Variants in POLR2M observed in about 807,000 individuals in gnomAD.
POLR2M encodes the protein protein GRINL1A.
Under a neutral mutation model 34.6 loss-of-function variants are expected in POLR2M, and 30 were observed. That is an observed-to-expected ratio of 0.87 (90% confidence interval 0.65 to 1.18). The LOEUF is 1.18. POLR2M is among the 50% of genes most tolerant of loss of function. The pLI, the probability that POLR2M is intolerant of heterozygous loss-of-function variation, is 0.00. For synonymous variants in POLR2M, 150 were observed against 166.7 expected, an observed-to-expected ratio of 0.90 and a Z score of 0.77; for missense variants, 432 against 448.7, an observed-to-expected ratio of 0.96 and a Z score of 0.34.
chr15:57,709,367 C>T lies in POLR2M; in HGVS notation c.758+9C>T. The T allele has an allele frequency of 6.2e-7, 1 of 1,602,822 alleles. No individual in the cohort carries two copies. Among genetic ancestry groups the T allele is most frequent in the Non-Finnish European group, 8.5e-7 (1 of 1,174,254 alleles). On this transcript the variant is annotated intron_variant, in intron 2 of 3. Coordinates refer to ENST00000299638, the MANE Select transcript of POLR2M (RefSeq NM_015532.5). ...AAATTTAAAACCAATGTGTAAGTAC[C>T]CTCGGAAACAGGCCTGTAACAGGAA...
Position 57,716,931 on chromosome 15 carries a change from C to A in POLR2M, c.*2252C>A, listed in dbSNP as rs1259760893. On this transcript the variant is annotated 3_prime_UTR_variant, in exon 4 of 4. Coordinates refer to ENST00000299638, the MANE Select transcript of POLR2M (RefSeq NM_015532.5). ...CTAGTATTTTCTTATTTCACTTTTA[C>A]ACCTATCTTTAAAAGGAATTTAAAT... 6.6e-6 allele frequency: 1 copy of A among 152,108 alleles called. No homozygotes were observed. The highest frequency in any genetic ancestry group is 1.5e-5 in the Non-Finnish European group (1 of 68,016). 9.4% of individuals were successfully genotyped at this position (152,108 alleles called of 1,614,324 possible).
chr15:57,709,006 A>T lies in POLR2M; in HGVS notation c.406A>T (p.Thr136Ser). The change falls in exon 2 of 4, where the codon ACT becomes TCT. Residue 136 changes from threonine to serine, a missense_variant. Thr to Ser is a moderately conservative substitution (Grantham distance 58). Coordinates refer to ENST00000299638, the MANE Select transcript of POLR2M (RefSeq NM_015532.5). ...ACAAAACCAGGGACTTGGACGTCCT[A>T]CTCTTGAAGGTGATGAAGAGACTTC... Reference protein sequence around the residue: ...TSQNQGLGRPTLEGDEETSEV... With the variant: ...TSQNQGLGRPSLEGDEETSEV... 1 of 1,613,880 alleles carries T rather than the reference A, an allele frequency of 6.2e-7. No homozygotes were observed. Among genetic ancestry groups the T allele is most frequent in the Non-Finnish European group, 8.5e-7 (1 of 1,179,866 alleles).
At chr15:57,711,080 A>T (rs2040692159) in intron 2 of POLR2M, among the ~76,000 whole-genome samples, 1 of 152,202 alleles carries the variant, frequency 6.6e-6, no homozygotes, top group Non-Finnish European at 1.5e-5. Context: ...TGATGTACAA[A>T]GTGGAACTGC....
intron 2 of POLR2M, 28 bp from the exon 3 acceptor site, chr15:57,711,956 T>C: frequency 1.9e-6 from 3 of 1,612,504 alleles, no homozygotes; most frequent in Non-Finnish European, 2.5e-6. Flanking sequence ...ATAATCTGAT[T>C]GTATAACACA....
intron 2 of POLR2M, among the ~76,000 whole-genome samples, chr15:57,710,850 T>G (rs942921707): frequency 5.3e-5 from 8 of 152,104 alleles, no homozygotes; most frequent in Non-Finnish European, 8.8e-5. Flanking sequence ...GAGGGTTCCG[T>G]GTGAGAGGTG....
chr15:57,709,411 C>T, intron 2 of POLR2M, 53 bp downstream of exon 2: 1 of 1,546,490 alleles, frequency 6.5e-7, no homozygotes, highest in Non-Finnish European at 8.7e-7. Flanking sequence ...TTGTTAAACT[C>T]AAAAATTTAC....
rs771019008 is a variant in POLR2M at position 57,707,149 on chromosome 15, T to C, written c.113+194T>C. 10 of 1,527,180 alleles carry C rather than the reference T, an allele frequency of 6.5e-6. No individual in the cohort carries two copies. The East Asian group carries it at 2.0e-4, about 30-fold the overall frequency. The allele number at this position is 1,527,180 out of a possible 1,614,324, so 94.6% of individuals were successfully genotyped here. Reference sequence around the variant, plus strand: ...GTGCCTCTTCCTGGCCAGGCACGTATGCCTGCGAGGATAGCTCGGATTGAA... The same window carrying C: ...GTGCCTCTTCCTGGCCAGGCACGTACGCCTGCGAGGATAGCTCGGATTGAA... On this transcript the variant is annotated intron_variant, in intron 1 of 3. Coordinates refer to ENST00000299638, the MANE Select transcript of POLR2M (RefSeq NM_015532.5).
Position 57,714,632 on chromosome 15 carries a change from C to G in POLR2M, c.1060C>G (p.Arg354Gly), listed in dbSNP as rs773384822. 1 of 1,612,190 alleles carries G rather than the reference C, an allele frequency of 6.2e-7. No homozygotes were observed. Among genetic ancestry groups the G allele is most frequent in the East Asian group, 2.2e-5 (1 of 44,874 alleles). Residue 354 changes from arginine (R) to glycine (G), a missense_variant, in exon 4 of 4, where the codon CGA (arginine) becomes GGA (glycine). Arg to Gly is a moderately radical substitution (Grantham distance 125). Coordinates refer to ENST00000299638, the MANE Select transcript of POLR2M (RefSeq NM_015532.5). ...NPEGESSGRY[R>G]EVRDEDDDWS... is the part of the protein sequence containing the mutation. ...AGAAGGGGAGTCTTCAGGGAGATACCGAGAAGTAAGGGATGAAGATGACGA... is the reference window on the plus strand; with the variant it reads ...AGAAGGGGAGTCTTCAGGGAGATACGGAGAAGTAAGGGATGAAGATGACGA...
At position 57,706,868 on chromosome 15, in the gene POLR2M, A is replaced by G; in HGVS notation, c.26A>G (p.Glu9Gly). The G allele has an allele frequency of 2.5e-6, 4 of 1,584,694 alleles. No individual in the cohort carries two copies. Among genetic ancestry groups the G allele is most frequent in the Non-Finnish European group, 3.4e-6 (4 of 1,164,964 alleles). MCSLPRGFEPQAPEDLAQR... is the reference protein window; with the variant it reads MCSLPRGFGPQAPEDLAQR... ...ATGTGCTCGCTGCCCCGCGGCTTCG[A>G]GCCCCAAGCTCCCGAGGACTTGGCG... Residue 9 changes from glutamate to glycine, a missense_variant, in exon 1 of 4, where the codon GAG (glutamate) becomes GGG (glycine). Physicochemically the swap from Glu to Gly is moderately conservative, Grantham distance 98. Coordinates refer to ENST00000299638, the MANE Select transcript of POLR2M (RefSeq NM_015532.5).
At chr15:57,709,831 A>G (rs2040639948) in intron 2 of POLR2M, among the ~76,000 whole-genome samples, 1 of 152,064 alleles carries the variant, frequency 6.6e-6, no homozygotes, top group Non-Finnish European at 1.5e-5. Context: ...TACAGCTTTG[A>G]TTAGTGTACT....
At chr15:57,707,957 ATAGT>A (rs537196225) in intron 1 of POLR2M, among the ~76,000 whole-genome samples, 12 of 152,320 alleles carry the variant, frequency 7.9e-5, no homozygotes, top group African/African-American at 2.9e-4. Flanking sequence ...CATTTATTGT[ATAGT>A]TAAAGAAAAG....
intron 2 of POLR2M, 62 bp from the exon 3 acceptor site, chr15:57,711,922 G>A: frequency 6.3e-7 from 1 of 1,583,474 alleles, no homozygotes; most frequent in African/African-American, 1.3e-5. Flanking sequence ...TTGTGTGAAT[G>A]TTTTAAATGT....
At chr15:57,710,982 A>G (rs2040687840) in intron 2 of POLR2M, among the ~76,000 whole-genome samples, 2 of 152,166 alleles carry the variant, frequency 1.3e-5, no homozygotes, top group Admixed American at 6.5e-5. Context: ...GTGCACCTCT[A>G]TCCCAGATCT....
chr15:57,712,385 C>T (rs1449309165), intron 3 of POLR2M, among the ~76,000 whole-genome samples, 197 bp downstream of exon 3: 1 of 152,108 alleles, frequency 6.6e-6, no homozygotes, highest in African/African-American at 2.4e-5. Context: ...TCACAGCTAC[C>T]TTCAACATTA....
chr15:57,714,682 A>G lies in POLR2M; in HGVS notation c.*3A>G. 2.5e-6 allele frequency: 4 copies of G among 1,610,306 alleles called. No individual in the cohort carries two copies. Among genetic ancestry groups the G allele is most frequent in the Non-Finnish European group, 3.4e-6 (4 of 1,179,020 alleles). The stretch of plus-strand genomic sequence containing the variant: ...ATTGGTCCTCTGATGAATTCTGAAG[A>G]TAATCTCCTAAATCACTGACGTTGA... On this transcript the variant is annotated 3_prime_UTR_variant, in exon 4 of 4. Transcript: ENST00000299638.
intron 1 of POLR2M, among the ~76,000 whole-genome samples, chr15:57,708,135 C>T (rs1484181041): frequency 6.6e-6 from 1 of 152,126 alleles, no homozygotes; most frequent in Non-Finnish European, 1.5e-5. Flanking sequence ...TATTGACATC[C>T]CAAAGAGCTA....
At position 57,708,743 on chromosome 15, in the gene POLR2M, G is replaced by A; in HGVS notation, c.143G>A (p.Gly48Asp). 20 of 1,600,648 alleles carry A rather than the reference G, an allele frequency of 1.2e-5. No individual in the cohort carries two copies. Among genetic ancestry groups the A allele is most frequent in the Non-Finnish European group, 1.7e-5 (20 of 1,175,850 alleles). The change falls in exon 2 of 4, where the codon GGT becomes GAT. Residue 48 changes from glycine to aspartate, a missense_variant. Coordinates refer to ENST00000299638, the MANE Select transcript of POLR2M (RefSeq NM_015532.5). ...TTCATTTGCAAATTGCCCGACAAAG[G>A]TAAAAAGATCTTTGACTCTTTTGCC... ...EKFICKLPDK[G>D]KKIFDSFAKL...
rs1195502321 is a variant in POLR2M at position 57,708,715 on chromosome 15, A to G, written c.115A>G (p.Lys39Glu). The G allele has an allele frequency of 1.3e-6, 2 of 1,574,720 alleles. No individual in the cohort carries two copies. The highest frequency in any genetic ancestry group is 1.7e-6 in the Non-Finnish European group (2 of 1,164,614). The change falls in exon 2 of 4, where the codon AAA (lysine) becomes GAA (glutamate). Residue 39 changes from lysine to glutamate, a missense_variant and splice_region_variant. By Grantham distance (56) the Lys-to-Glu change is moderately conservative. Coordinates refer to ENST00000299638, the MANE Select transcript of POLR2M (RefSeq NM_015532.5). Reference protein sequence around the residue: ...KRQERLLRNEKFICKLPDKGK... With the variant: ...KRQERLLRNEEFICKLPDKGK... ...ATAGTATTCTTTTCCATTTGACAGA[A>G]AATTCATTTGCAAATTGCCCGACAA...
chr15:57,714,480 A>C, intron 3 of POLR2M, 56 bp from the exon 4 acceptor site: 1 of 1,595,724 alleles, frequency 6.3e-7, no homozygotes, highest in South Asian at 1.1e-5. Context: ...CCCATTGAAA[A>C]ATTGTAAGGA....
Sources: gnomAD v4.1 joint callset for allele counts (sites outside exome capture counted in the v4.1 genomes callset) on GRCh38, gnomAD v4.1.1 for gene constraint, MANE v1.5 for transcripts, NCBI Gene and HGNC (gene_info 2026-07-23, HGNC 2026-07-21) for gene names.